GRHPR: variants seen among roughly 807,000 people sequenced by gnomAD.
GRHPR encodes the protein glyoxylate and hydroxypyruvate reductase.
A neutral mutation model predicts 36.8 loss-of-function variants in GRHPR; 35 were observed. The observed-to-expected ratio is 0.95, with a 90% confidence interval of 0.73 to 1.26. The LOEUF (loss-of-function observed/expected upper bound fraction) is 1.26, where lower values mean the gene tolerates loss of function less well. Among genes scored for constraint, GRHPR ranks in the 50% most tolerant of loss-of-function variants. GRHPR has a pLI of 0.00. For missense variants in GRHPR, 380 were observed against 435.0 expected (o/e 0.87, Z 1.12); for synonymous variants, 179 against 181.0 (o/e 0.99, Z 0.09).
intron 1 of GRHPR, 64 bp from the exon 2 acceptor site, chr9:37,424,781 G>A (rs1211196955): frequency 6.3e-7 from 1 of 1,584,094 alleles, no homozygotes; most frequent in Non-Finnish European, 8.6e-7. Context: ...AGGATTCCCA[G>A]CTGGGAGGGG....
chr9:37,424,769 C>T, intron 1 of GRHPR, 76 bp from the exon 2 acceptor site: 1 of 1,559,306 alleles, frequency 6.4e-7, no homozygotes, highest in Non-Finnish European at 8.7e-7. Context: ...CCATCAGAGG[C>T]CAGGATTCCC....
At chr9:37,429,503 CAG>C in intron 5 of GRHPR, 1 of 598,252 alleles carries the variant, frequency 1.7e-6, no homozygotes. Context: ...GTCACAGCCT[CAG>C]GGGAGCTGAG....
chr9:37,430,998 C>T (rs1224320765), intron 7 of GRHPR: 4 of 486,390 alleles, frequency 8.2e-6, no homozygotes, highest in Non-Finnish European at 1.3e-5. Context: ...CTCTGGAGGC[C>T]GCCTCCCACA....
chr9:37,424,947 C>T lies in GRHPR; in HGVS notation c.186C>T (p.His62=), dbSNP rs1381244280. The change falls in exon 2 of 9, where the codon CAC becomes CAT. Residue 62 remains histidine (H), a synonymous_variant. Transcript: ENST00000318158. ...GCCTGCTCTGCCTCCTCTCCGACCA[C>T]GTGGACAAGAGGATCCTGGATGCTG... ...AHGLLCLLSD[H]VDKRILDAAG... is the part of the protein sequence containing the mutation. The T allele has an allele frequency of 3.7e-6, 6 of 1,612,490 alleles. No homozygotes were observed. The highest frequency in any genetic ancestry group is 1.7e-5 in the Admixed American group (1 of 60,008).
At chr9:37,430,206 G>A (rs560647486) in intron 6 of GRHPR, 2 of 548,162 alleles carry the variant, frequency 3.6e-6, no homozygotes, top group African/African-American at 1.9e-5. Context: ...GCGCCCCTTA[G>A]TCCAGGCGGA....
chr9:37,434,230 A>C, intron 8 of GRHPR: 1 of 403,574 alleles, frequency 2.5e-6, no homozygotes, highest in Non-Finnish European at 4.4e-6. Flanking sequence ...ATGTAAAAAG[A>C]CCATGCAGCT....
At chr9:37,433,529 A>G (rs1823481658) in intron 8 of GRHPR, among the ~76,000 whole-genome samples, 1 of 151,972 alleles carries the variant, frequency 6.6e-6, no homozygotes, top group Non-Finnish European at 1.5e-5. Context: ...TGTCCGGCCA[A>G]TTCTCATACT....
chr9:37,426,640 C>T lies in GRHPR; in HGVS notation c.390C>T (p.Ile130=), dbSNP rs752869610. The change falls in exon 4 of 9, where the codon ATC becomes ATT. Residue 130 remains isoleucine, a synonymous_variant. Coordinates refer to ENST00000318158, the MANE Select transcript of GRHPR (RefSeq NM_012203.2). The part of the protein sequence containing the change: ...LTTCRRLPEA[I]EEVKNGGWTS... Reference sequence around the variant, plus strand: ...CCTGCCGCCGGTTGCCGGAGGCCATCGAGGAAGTGAAGAAGTAAGTGAACG... The same window carrying T: ...CCTGCCGCCGGTTGCCGGAGGCCATTGAGGAAGTGAAGAAGTAAGTGAACG... 4.3e-5 allele frequency: 69 copies of T among 1,605,922 alleles called. No homozygotes were observed. The highest frequency in any genetic ancestry group is 6.7e-5 in the East Asian group (3 of 44,856).
At chr9:37,428,004 C>T (rs1398539840) in intron 4 of GRHPR, 1 of 265,014 alleles carries the variant, frequency 3.8e-6, no homozygotes, top group Non-Finnish European at 7.4e-6. Context: ...GAGTCCTGCT[C>T]ACTGTCCTGT....
rs763645212 is a variant in GRHPR at position 37,426,549 on chromosome 9, T to C, written c.299T>C (p.Val100Ala). ...LDEIKKRGIR[V>A]GYTPDVLTDT... ...TGTCTGATTCGTAGTGGGATCCGAG[T>C]TGGCTACACCCCAGATGTCCTGACA... Residue 100 changes from valine (V) to alanine (A), a missense_variant, in exon 4 of 9, where the codon GTT becomes GCT. Physicochemically the swap from Val to Ala is moderately conservative, Grantham distance 64 (BLOSUM62 0). Transcript: ENST00000318158. The C allele has an allele frequency of 6.8e-6, 11 of 1,608,460 alleles. No homozygotes were observed. The highest frequency in any genetic ancestry group is 6.7e-5 in the Admixed American group (4 of 60,000).
chr9:37,426,865 CAT>C (rs1396922838), intron 4 of GRHPR, among the ~76,000 whole-genome samples: 1 of 151,734 alleles, frequency 6.6e-6, no homozygotes, highest in Non-Finnish European at 1.5e-5. Context: ...GCAGGAGAAT[CAT>C]GTGAACCCAG....
chr9:37,428,408 A>C, intron 4 of GRHPR, 76 bp from the exon 5 acceptor site: 1 of 948,170 alleles, frequency 1.1e-6, no homozygotes, highest in Non-Finnish European at 1.7e-6. Context: ...GACCACAGTC[A>C]GAGGTGCCGG....
chr9:37,434,694 G>C, intron 8 of GRHPR: 1 of 161,244 alleles, frequency 6.2e-6, no homozygotes, highest in African/African-American at 2.4e-5. Context: ...CTGTTGTCCT[G>C]TAAACTGTAA....
In GRHPR at chr9:37,430,999, G is replaced by A. The variant is rs547067965; in HGVS notation, c.734+353G>A. ...GGATCTGAAGGGCCCTCTGGAGGCCGCCTCCCACACTGCTGAGCCTGGCTT... is the reference window on the plus strand; with the variant it reads ...GGATCTGAAGGGCCCTCTGGAGGCCACCTCCCACACTGCTGAGCCTGGCTT... On this transcript the variant is annotated intron_variant, in intron 7 of 8. Coordinates refer to ENST00000318158, the MANE Select transcript of GRHPR (RefSeq NM_012203.2). 12 of 486,194 alleles carry A rather than the reference G, an allele frequency of 2.5e-5. No homozygotes were observed. The East Asian group carries it at 2.6e-4, about 11-fold the overall frequency. 30.1% of individuals were successfully genotyped at this position (486,194 alleles called of 1,614,324 possible). A position where few individuals can be genotyped will look rare whatever the true frequency, so the allele number is the denominator to read the frequency against.
chr9:37,436,629 T>A (rs1268925188), intron 8 of GRHPR, 32 bp from the exon 9 acceptor site: 1 of 1,609,040 alleles, frequency 6.2e-7, no homozygotes, highest in African/African-American at 1.3e-5. Context: ...CCACCCTTCT[T>A]ATCTCCCTCT....
chr9:37,428,279 A>T, intron 4 of GRHPR: 1 of 611,632 alleles, frequency 1.6e-6, no homozygotes. Flanking sequence ...CCCGCCCTCA[A>T]GTTCTATGTC....
chr9:37,435,358 T>A (rs1823591483), intron 8 of GRHPR, among the ~76,000 whole-genome samples: 1 of 152,234 alleles, frequency 6.6e-6, no homozygotes, highest in South Asian at 2.1e-4. Flanking sequence ...TGACATATTT[T>A]GGTTTCCATG....
chr9:37,422,605 G>T (rs139839633), upstream of GRHPR: 2 of 694,822 alleles, frequency 2.9e-6, no homozygotes, highest in Admixed American at 2.1e-5. Context: ...GCCGCAACCC[G>T]GCGCTCCCTC....
chr9:37,422,657 C>T (rs1320170348), upstream of GRHPR: 23 of 1,017,660 alleles, frequency 2.3e-5, no homozygotes, highest in Admixed American at 2.2e-4. Flanking sequence ...CGCGACGTCT[C>T]TCCCGCCCAC....
Sources: allele counts gnomAD v4.1 joint callset (sites outside exome capture counted in the v4.1 genomes callset), GRCh38; gene constraint gnomAD v4.1.1; transcripts MANE v1.5; gene names NCBI Gene and HGNC (gene_info 2026-07-23, HGNC 2026-07-21).